GDAP1L1: variants seen among roughly 807,000 people sequenced by gnomAD.
GDAP1L1 encodes ganglioside-induced differentiation-associated protein 1-like 1.
In GDAP1L1, 21 loss-of-function variants were observed where a neutral mutation model predicts 37.1. The ratio of observed to expected loss-of-function variants is 0.57; its 90% CI spans 0.40 to 0.81. The LOEUF is 0.81. Among genes scored for constraint, GDAP1L1 ranks in the 40% least tolerant of loss-of-function variants. The probability of loss-of-function intolerance (pLI) is 0.00; values close to 1 mark genes in which losing one functional copy is unlikely to be tolerated. For missense variants in GDAP1L1, 362 were observed against 491.6 expected (o/e 0.74, Z 2.49); for synonymous variants, 193 against 209.1 (o/e 0.92, Z 0.67).
At position 44,254,913 on chromosome 20, in the gene GDAP1L1, T is replaced by A. The variant is rs992756267; in HGVS notation, c.181-2240T>A. Among the ~76,000 whole-genome samples the A allele has an allele frequency of 2.6e-5, 4 of 152,284 alleles. No individual in the cohort carries two copies. In the South Asian group the frequency reaches 6.2e-4, roughly 24 times the overall value. On this transcript the variant is annotated intron_variant, in intron 1 of 5. Coordinates refer to ENST00000342560, the MANE Select transcript of GDAP1L1 (RefSeq NM_024034.6). ...TGTGGTGTGTGTGTGTAATAAGTGATGCTAGAACTCATGTATTAACCTTCT... is the reference window on the plus strand; with the variant it reads ...TGTGGTGTGTGTGTGTAATAAGTGAAGCTAGAACTCATGTATTAACCTTCT...
chr20:44,258,946 CT>C (rs1485419445), intron 3 of GDAP1L1, among the ~76,000 whole-genome samples: 1 of 151,002 alleles, frequency 6.6e-6, no homozygotes, highest in Non-Finnish European at 1.5e-5. Context: ...TCCCCCTCCC[CT>C]GTCCCCTACT....
intron 3 of GDAP1L1, 110 bp from the exon 4 acceptor site, chr20:44,263,120 T>A: frequency 1.2e-6 from 1 of 815,626 alleles, no homozygotes; most frequent in Middle Eastern, 2.5e-4. Context: ...TCGACAGTAT[T>A]ACTCTTCTGA....
intron 5 of GDAP1L1, among the ~76,000 whole-genome samples, chr20:44,276,653 T>C (rs1225621394): frequency 6.6e-6 from 1 of 151,070 alleles, no homozygotes; most frequent in Non-Finnish European, 1.5e-5. Context: ...CTGTTAATGA[T>C]ACAGTTTATT....
At chr20:44,271,450 A>G (rs916130809) in intron 5 of GDAP1L1, among the ~76,000 whole-genome samples, 1 of 152,178 alleles carries the variant, frequency 6.6e-6, no homozygotes, top group Non-Finnish European at 1.5e-5. Flanking sequence ...TGAGCAAGCC[A>G]GGATAAGAAA....
chr20:44,264,414 T>C, intron 4 of GDAP1L1, 31 bp from the exon 5 acceptor site: 3 of 1,451,054 alleles, frequency 2.1e-6, no homozygotes, highest in Non-Finnish European at 2.7e-6. Flanking sequence ...TGAGGCCAAC[T>C]CAGCTTCTCT....
intron 5 of GDAP1L1, among the ~76,000 whole-genome samples, chr20:44,274,655 G>C (rs763788567): frequency 2.6e-5 from 4 of 152,092 alleles, no homozygotes; most frequent in African/African-American, 9.7e-5. Flanking sequence ...CCTGAAAGGC[G>C]GCTCCTTCTT....
At chr20:44,250,204 G>A (rs1568645369) in intron 1 of GDAP1L1, among the ~76,000 whole-genome samples, 1 of 152,190 alleles carries the variant, frequency 6.6e-6, no homozygotes, top group Admixed American at 6.5e-5. Flanking sequence ...CAGACCCAGA[G>A]GGCAACAGGA....
chr20:44,268,122 G>A (rs1412261153), intron 5 of GDAP1L1, among the ~76,000 whole-genome samples: 1 of 152,234 alleles, frequency 6.6e-6, no homozygotes, highest in Non-Finnish European at 1.5e-5. Flanking sequence ...CTTCCCTCGT[G>A]GGCAGAGCCC....
intron 3 of GDAP1L1, among the ~76,000 whole-genome samples, chr20:44,260,442 C>A (rs1237856123): frequency 1.3e-5 from 2 of 152,108 alleles, no homozygotes; most frequent in Admixed American, 1.3e-4. Context: ...GAGACTGCAG[C>A]TGCAGAGGAC....
intron 5 of GDAP1L1, among the ~76,000 whole-genome samples, chr20:44,276,430 AAG>A (rs1391814200): frequency 1.2e-3 from 165 of 142,962 alleles, no homozygotes; most frequent in African/African-American, 4.0e-3. Flanking sequence ...GAAAGAAAGA[AAG>A]AAAGAAAGAA....
intron 5 of GDAP1L1, among the ~76,000 whole-genome samples, chr20:44,266,610 A>C (rs1326642481): frequency 6.6e-6 from 1 of 152,176 alleles, no homozygotes; most frequent in Non-Finnish European, 1.5e-5. Context: ...ATCTCAGATC[A>C]AGGTGCCTGT....
At chr20:44,273,458 C>T (rs1600563591) in intron 5 of GDAP1L1, among the ~76,000 whole-genome samples, 1 of 152,138 alleles carries the variant, frequency 6.6e-6, no homozygotes, top group South Asian at 2.1e-4. Context: ...TTTCACTGTC[C>T]GTCACTCCCA....
chr20:44,271,708 A>T (rs1457173210), intron 5 of GDAP1L1, among the ~76,000 whole-genome samples: 1 of 152,190 alleles, frequency 6.6e-6, no homozygotes, highest in African/African-American at 2.4e-5. Flanking sequence ...ATGTGTTCTC[A>T]TGCTGGTGGA....
intron 1 of GDAP1L1, among the ~76,000 whole-genome samples, chr20:44,249,014 A>T (rs1372648617): frequency 6.6e-6 from 1 of 151,424 alleles, no homozygotes; most frequent in Non-Finnish European, 1.5e-5. Context: ...AGAGGTCAAG[A>T]CTCTGTTGAT....
intron 5 of GDAP1L1, among the ~76,000 whole-genome samples, chr20:44,269,317 G>A (rs1273947628): frequency 2.0e-5 from 3 of 152,146 alleles, no homozygotes; most frequent in Non-Finnish European, 2.9e-5. Context: ...TAGATGGCAG[G>A]AGCAGCAAAG....
intron 5 of GDAP1L1, among the ~76,000 whole-genome samples, chr20:44,278,167 A>G (rs535907976): frequency 1.3e-4 from 20 of 151,518 alleles, no homozygotes; most frequent in South Asian, 4.2e-4. Flanking sequence ...AAAAAAAAAA[A>G]AAAAGAAAAA....
At chr20:44,254,421 T>A (rs112202476) in intron 1 of GDAP1L1, among the ~76,000 whole-genome samples, 1 of 152,178 alleles carries the variant, frequency 6.6e-6, no homozygotes, top group African/African-American at 2.4e-5. Context: ...TGCAACAGTT[T>A]TTCCCCCTCT....
At chr20:44,258,844 T>A (rs2073617072) in intron 3 of GDAP1L1, among the ~76,000 whole-genome samples, 1 of 151,882 alleles carries the variant, frequency 6.6e-6, no homozygotes, top group Non-Finnish European at 1.5e-5. Context: ...TTGCTTGCCA[T>A]CCCCTTCACC....
intron 5 of GDAP1L1, among the ~76,000 whole-genome samples, chr20:44,273,733 C>A (rs77239236): frequency 2.0e-5 from 3 of 152,150 alleles, no homozygotes; most frequent in Admixed American, 6.5e-5. Flanking sequence ...AAGCCTCCCC[C>A]CTTCACTCTC....
Sources: allele counts gnomAD v4.1 joint callset (sites outside exome capture counted in the v4.1 genomes callset), GRCh38; gene constraint gnomAD v4.1.1; transcripts MANE v1.5; gene names NCBI Gene and HGNC (gene_info 2026-07-23, HGNC 2026-07-21).